The following FILIP1L variants were observed in gnomAD, a reference collection of about 807,000 sequenced individuals.
FILIP1L encodes the protein filamin A interacting protein 1 like.
FILIP1L carries 55 observed loss-of-function variants against 96.6 expected under a neutral mutation model. The ratio of observed to expected loss-of-function variants is 0.57; its 90% CI spans 0.46 to 0.71. The LOEUF is 0.71. Among genes scored for constraint, FILIP1L ranks in the 30% least tolerant of loss-of-function variants. The pLI, the probability that FILIP1L is intolerant of heterozygous loss-of-function variation, is 0.00. For synonymous variants in FILIP1L, 467 were observed against 473.9 expected, an observed-to-expected ratio of 0.99 and a Z score of 0.19; for missense variants, 1,304 against 1,321.2, an observed-to-expected ratio of 0.99 and a Z score of 0.20.
chr3:100,065,897 C>A (rs1015053169), intron 1 of FILIP1L, among the ~76,000 whole-genome samples: 40 of 152,320 alleles, frequency 2.6e-4, no homozygotes, highest in African/African-American at 8.9e-4. Flanking sequence ...AATATGGCTC[C>A]TGGATCAACA....
intron 1 of FILIP1L, among the ~76,000 whole-genome samples, chr3:100,037,126 T>C (rs1177655408): frequency 1.3e-5 from 2 of 151,474 alleles, no homozygotes; most frequent in African/African-American, 2.5e-5. Context: ...TTGGTAAAAT[T>C]TGAATAAAAT....
chr3:99,857,084 A>G (rs144858740), intron 4 of FILIP1L, among the ~76,000 whole-genome samples: 1 of 152,346 alleles, frequency 6.6e-6, no homozygotes, highest in African/African-American at 2.4e-5. Flanking sequence ...TGTAGAGGGA[A>G]CCACATGAAT....
At chr3:99,881,231 G>A (rs1055332121) in intron 4 of FILIP1L, among the ~76,000 whole-genome samples, 19 of 152,122 alleles carry the variant, frequency 1.2e-4, no homozygotes, top group African/African-American at 1.9e-4. Context: ...GTAATGTGAC[G>A]CCACTGTAAG....
chr3:100,022,124 A>G (rs1036752257), intron 1 of FILIP1L, among the ~76,000 whole-genome samples: 5 of 152,218 alleles, frequency 3.3e-5, no homozygotes, highest in Non-Finnish European at 7.3e-5. Context: ...ATAAAAATAG[A>G]GGGAAGCCCT....
At position 99,832,452 on chromosome 3, in the gene FILIP1L, G is replaced by A. The variant is rs770096680; in HGVS notation, c.3382-1847C>T. Among the ~76,000 whole-genome samples the A allele has an allele frequency of 6.7e-3, 981 of 146,552 alleles. 3 individuals are homozygous for A. Among genetic ancestry groups the A allele is most frequent in the African/African-American group, 8.4e-3 (337 of 40,066 alleles). On this transcript the variant is annotated intron_variant, in intron 5 of 5. Coordinates refer to ENST00000477258, the MANE Select transcript of FILIP1L (RefSeq NM_001387850.1). ...TCACTGTGTTAGCCAGGATGATCTC[G>A]ATCTCCTGACCTCATGATCCGCCCG...
chr3:99,893,727 A>T (rs1396717675), intron 4 of FILIP1L, among the ~76,000 whole-genome samples: 1 of 152,218 alleles, frequency 6.6e-6, no homozygotes, highest in Non-Finnish European at 1.5e-5. Context: ...TCTACAGATA[A>T]TTTATTTTTC....
chr3:100,075,217 A>G (rs1402268692), intron 1 of FILIP1L, among the ~76,000 whole-genome samples: 1 of 152,240 alleles, frequency 6.6e-6, no homozygotes, highest in Non-Finnish European at 1.5e-5. Context: ...AGCTTTTGCT[A>G]AAAGAAGATA....
chr3:99,896,235 G>C (rs1368066290), intron 4 of FILIP1L, among the ~76,000 whole-genome samples: 3 of 152,174 alleles, frequency 2.0e-5, no homozygotes, highest in Non-Finnish European at 4.4e-5. Context: ...TGGCAAATAA[G>C]TGGCAACATA....
chr3:99,972,617 G>A (rs1259461223), intron 1 of FILIP1L, among the ~76,000 whole-genome samples: 1 of 152,128 alleles, frequency 6.6e-6, no homozygotes, highest in African/African-American at 2.4e-5. Context: ...GGGCTGTCGC[G>A]AGAGCTTTCT....
intron 4 of FILIP1L, among the ~76,000 whole-genome samples, chr3:99,880,468 T>C (rs1705686845): frequency 6.6e-6 from 1 of 152,142 alleles, no homozygotes; most frequent in African/African-American, 2.4e-5. Context: ...CAGGCCTATA[T>C]ATGGTCCGCA....
chr3:99,970,975 G>C (rs551051844), intron 1 of FILIP1L, among the ~76,000 whole-genome samples: 1 of 152,332 alleles, frequency 6.6e-6, no homozygotes, highest in East Asian at 1.9e-4. Flanking sequence ...CTACCTGTGT[G>C]ATTGAAGAGG....
At chr3:99,833,922 T>C (rs1559649102) in intron 5 of FILIP1L, among the ~76,000 whole-genome samples, 1 of 152,358 alleles carries the variant, frequency 6.6e-6, no homozygotes, top group East Asian at 1.9e-4. Context: ...CAGTGTTTAA[T>C]GGGAAAGTAT....
intron 1 of FILIP1L, among the ~76,000 whole-genome samples, chr3:100,099,560 CTT>C (rs1165958548): frequency 6.6e-6 from 1 of 152,106 alleles, no homozygotes; most frequent in East Asian, 1.9e-4. Context: ...AGTCATTTAA[CTT>C]TTCTGAGCCT....
intron 1 of FILIP1L, among the ~76,000 whole-genome samples, chr3:100,092,826 T>C (rs2066136595): frequency 1.3e-5 from 2 of 151,762 alleles, no homozygotes; most frequent in African/African-American, 2.4e-5. Flanking sequence ...CTATTACCTC[T>C]GTATTGGGAT....
At chr3:99,956,783 C>T (rs1293503443) in intron 1 of FILIP1L, among the ~76,000 whole-genome samples, 4 of 152,174 alleles carry the variant, frequency 2.6e-5, no homozygotes, top group African/African-American at 4.8e-5. Flanking sequence ...CCAGTGGTCC[C>T]ACTTTCTAAT....
chr3:100,080,679 T>C (rs532487422), intron 1 of FILIP1L, among the ~76,000 whole-genome samples: 44 of 152,352 alleles, frequency 2.9e-4, no homozygotes, highest in African/African-American at 1.1e-3. Flanking sequence ...AAAGACTTAA[T>C]GTGGGTTTGT....
At chr3:99,983,389 A>AATAAATATATATATATATAT (rs1302972402) in intron 1 of FILIP1L, among the ~76,000 whole-genome samples, 4 of 40,788 alleles carry the variant, frequency 9.8e-5, no homozygotes, top group African/African-American at 3.1e-4. Flanking sequence ...TAAATAAATA[A>AATAAATATATATATATATAT]ATATATATAT....
chr3:99,834,961 C>T (rs1942836888), intron 5 of FILIP1L, among the ~76,000 whole-genome samples: 1 of 152,140 alleles, frequency 6.6e-6, no homozygotes. Flanking sequence ...AAGTCCCTGG[C>T]CCATCTAAAG....
At chr3:99,892,954 G>A (rs769801796) in intron 4 of FILIP1L, among the ~76,000 whole-genome samples, 1 of 152,156 alleles carries the variant, frequency 6.6e-6, no homozygotes, top group African/African-American at 2.4e-5. Flanking sequence ...TGAGGCCCCT[G>A]TTGGTGCTGA....
Sources: allele counts gnomAD v4.1 joint callset (sites outside exome capture counted in the v4.1 genomes callset), GRCh38; gene constraint gnomAD v4.1.1; transcripts MANE v1.5; gene names NCBI Gene and HGNC (gene_info 2026-07-23, HGNC 2026-07-21).